The following CADM2 variants were observed in gnomAD, a reference collection of about 807,000 sequenced individuals.
The protein encoded by CADM2 is cell adhesion molecule 2.
A neutral mutation model predicts 49.8 loss-of-function variants in CADM2; 12 were observed. The ratio of observed to expected loss-of-function variants is 0.24; its 90% CI spans 0.15 to 0.39. The LOEUF (loss-of-function observed/expected upper bound fraction) is 0.39, where lower values mean the gene tolerates loss of function less well. CADM2 is among the 10% of genes least tolerant of loss of function. The probability of loss-of-function intolerance (pLI) is 1.00; values close to 1 mark genes in which losing one functional copy is unlikely to be tolerated. For missense variants in CADM2, 378 were observed against 492.3 expected, an observed-to-expected ratio of 0.77 and a Z score of 2.20; for synonymous variants, 214 against 175.4, an observed-to-expected ratio of 1.22 and a Z score of -1.74.
intron 7 of CADM2, among the ~76,000 whole-genome samples, chr3:85,945,981 G>A (rs1722639837): frequency 6.6e-6 from 1 of 152,056 alleles, no homozygotes; most frequent in African/African-American, 2.4e-5. Context: ...AAAAGAGGAA[G>A]TCAAATTGTC....
chr3:85,241,561 A>G (rs954699455), intron 1 of CADM2, among the ~76,000 whole-genome samples: 1 of 151,080 alleles, frequency 6.6e-6, no homozygotes, highest in African/African-American at 2.4e-5. Context: ...TTAAGAATGG[A>G]AAAAAAAATC....
At chr3:85,447,845 A>G (rs1390421321) in intron 1 of CADM2, among the ~76,000 whole-genome samples, 3 of 152,196 alleles carry the variant, frequency 2.0e-5, no homozygotes, top group Non-Finnish European at 4.4e-5. Flanking sequence ...GCTAAAATGT[A>G]GTAACTAATT....
chr3:85,201,539 T>G, intron 1 of CADM2, among the ~76,000 whole-genome samples: 1 of 152,090 alleles, frequency 6.6e-6, no homozygotes, highest in East Asian at 1.9e-4. Context: ...AATGATGAAG[T>G]TTGCCGCATT....
intron 8 of CADM2, among the ~76,000 whole-genome samples, chr3:86,037,111 G>T (rs1735263441): frequency 1.3e-5 from 2 of 152,038 alleles, no homozygotes; most frequent in South Asian, 4.1e-4. Flanking sequence ...ATTTTAAGTT[G>T]AGTATACAGT....
chr3:85,154,608 G>C (rs1033622474), intron 1 of CADM2, among the ~76,000 whole-genome samples: 2 of 151,346 alleles, frequency 1.3e-5, no homozygotes, highest in Non-Finnish European at 1.5e-5. Context: ...GATACTCCTC[G>C]AGAAGAGCAA....
intron 1 of CADM2, among the ~76,000 whole-genome samples, chr3:85,275,096 T>A (rs568890149): frequency 6.6e-6 from 1 of 151,640 alleles, no homozygotes; most frequent in Non-Finnish European, 1.5e-5. Context: ...TAAGGCCATT[T>A]TAAATGTTCT....
At chr3:85,734,721 C>G (rs1167339319) in intron 2 of CADM2, among the ~76,000 whole-genome samples, 3 of 144,900 alleles carry the variant, frequency 2.1e-5, no homozygotes, top group Non-Finnish European at 3.0e-5. Flanking sequence ...ATGTGTATAT[C>G]TTTTTAAATA....
At chr3:85,976,560 C>A (rs1726809678) in intron 8 of CADM2, among the ~76,000 whole-genome samples, 2 of 151,402 alleles carry the variant, frequency 1.3e-5, no homozygotes, top group Admixed American at 1.3e-4. Context: ...CAGAATAAAA[C>A]CCTCAAAATT....
At chr3:85,480,635 T>C (rs975793883) in intron 1 of CADM2, among the ~76,000 whole-genome samples, 4 of 151,926 alleles carry the variant, frequency 2.6e-5, no homozygotes, top group Non-Finnish European at 5.9e-5. Context: ...TTGAGTATAC[T>C]GACCTGTTAA....
At chr3:85,748,912 T>A (rs977794254) in intron 2 of CADM2, among the ~76,000 whole-genome samples, 3 of 152,080 alleles carry the variant, frequency 2.0e-5, no homozygotes, top group Non-Finnish European at 2.9e-5. Context: ...GCTCAAGACA[T>A]GCTGTAAATA....
rs372349246 is a variant in CADM2 at position 85,408,010 on chromosome 3, CAAAAAAAAAA to C, written c.62-318501_62-318492del. On this transcript the variant is annotated intron_variant, in intron 1 of 9. Coordinates refer to ENST00000383699, the MANE Select transcript of CADM2 (RefSeq NM_001167675.2). ...CTCTTTAAACAAAACAAAACAAAAC[CAAAAAAAAAA>C]AAAAAAAAAAGAAGAAGAAGAAAAA... Among the ~76,000 whole-genome samples the C allele has an allele frequency of 9.4e-3, 527 of 56,198 alleles. 5 individuals are homozygous for C. The Middle Eastern group carries it at 0.15, about 16-fold the overall frequency. The allele number at this position is 56,198 out of a possible 152,430, so 36.9% of individuals were successfully genotyped here. A position where few individuals can be genotyped will look rare whatever the true frequency, so the allele number is the denominator to read the frequency against.
rs947945721 is a variant in CADM2, at chr3:85,815,137, C to G, written c.238+12941C>G. On this transcript the variant is annotated intron_variant, in intron 3 of 9. Transcript: ENST00000383699. ...CAAACTGAAAAAGTCCAGAACCAGACGGATTCACAGCCGAATTCTACAAGG... is the reference window on the plus strand; with the variant it reads ...CAAACTGAAAAAGTCCAGAACCAGAGGGATTCACAGCCGAATTCTACAAGG... Among the ~76,000 whole-genome samples the G allele has an allele frequency of 2.6e-5, 4 of 152,026 alleles. 1 individual carries two copies. Among genetic ancestry groups the G allele is most frequent in the African/African-American group, 9.7e-5 (4 of 41,384 alleles).
chr3:85,012,803 T>TA lies in CADM2; in HGVS notation c.61+53139dup, dbSNP rs565532809. ...AATCATTGGATATTGACCTTATTAA[T>TA]AAAATCCTAGTATCATAGTATCATT... is the stretch of plus-strand genomic sequence containing the variant. On this transcript the variant is annotated intron_variant, in intron 1 of 9. Transcript: ENST00000383699. Among the ~76,000 whole-genome samples the TA allele has an allele frequency of 3.3e-5, 5 of 151,680 alleles. No individual in the cohort carries two copies. The East Asian group carries it at 9.7e-4, about 29-fold the overall frequency.
At chr3:85,782,851 C>T (rs905088258) in intron 2 of CADM2, among the ~76,000 whole-genome samples, 2 of 151,866 alleles carry the variant, frequency 1.3e-5, no homozygotes, top group African/African-American at 2.4e-5. Flanking sequence ...CCTGTGTCAA[C>T]GTAATCGAGG....
At chr3:85,295,803 G>A (rs1321257275) in intron 1 of CADM2, among the ~76,000 whole-genome samples, 1 of 152,034 alleles carries the variant, frequency 6.6e-6, no homozygotes, top group East Asian at 1.9e-4. Flanking sequence ...GGGAGGGATA[G>A]CATTGGGAGA....
At chr3:85,134,255 C>T (rs553406448) in intron 1 of CADM2, among the ~76,000 whole-genome samples, 2 of 152,212 alleles carry the variant, frequency 1.3e-5, no homozygotes, top group Non-Finnish European at 2.9e-5. Context: ...TCCACACCTC[C>T]CTGCAAGCTG....
chr3:85,467,769 A>C (rs1201081108), intron 1 of CADM2, among the ~76,000 whole-genome samples: 1 of 152,136 alleles, frequency 6.6e-6, no homozygotes, highest in Non-Finnish European at 1.5e-5. Context: ...ATTTTATCTT[A>C]ATTATTATCT....
intron 1 of CADM2, among the ~76,000 whole-genome samples, chr3:85,641,655 G>A (rs1320400237): frequency 2.0e-5 from 3 of 151,958 alleles, no homozygotes; most frequent in Non-Finnish European, 2.9e-5. Flanking sequence ...GGCCGGGCAC[G>A]GTGGCTCATG....
intron 1 of CADM2, among the ~76,000 whole-genome samples, chr3:85,301,575 C>A (rs2106992586): frequency 6.6e-6 from 1 of 152,058 alleles, no homozygotes; most frequent in African/African-American, 2.4e-5. Context: ...ATTCCTAATT[C>A]TTCAGCTTAT....
Sources: gnomAD v4.1 joint callset for allele counts (sites outside exome capture counted in the v4.1 genomes callset) on GRCh38, gnomAD v4.1.1 for gene constraint, MANE v1.5 for transcripts, NCBI Gene and HGNC (gene_info 2026-07-23, HGNC 2026-07-21) for gene names.